The following PCDH15 variants were observed in gnomAD, a reference collection of about 807,000 sequenced individuals.
The protein encoded by PCDH15 is protocadherin related 15, also known as protocadherin-15.
A neutral mutation model predicts 178.5 loss-of-function variants in PCDH15; 129 were observed. That is an observed-to-expected ratio of 0.72 (90% CI 0.63 to 0.84). PCDH15 has a LOEUF of 0.84. Ranked by LOEUF, PCDH15 falls within the 40% of genes least tolerant of loss-of-function variation. The pLI is 0.00. For missense variants in PCDH15, 2,230 were observed against 2,099.9 expected (o/e 1.06, Z -1.21); for synonymous variants, 800 against 732.0 (o/e 1.09, Z -1.50).
At chr10:54,257,711 T>C (rs1029177971) in intron 8 of PCDH15, among the ~76,000 whole-genome samples, 1 of 152,126 alleles carries the variant, frequency 6.6e-6, no homozygotes, top group African/African-American at 2.4e-5. Flanking sequence ...GGTGTATGCA[T>C]ACACTTTCAG....
intron 2 of PCDH15, among the ~76,000 whole-genome samples, chr10:54,934,831 A>C (rs1349123299): frequency 1.3e-5 from 2 of 151,960 alleles, no homozygotes; most frequent in South Asian, 2.1e-4. Flanking sequence ...AACCAACCCA[A>C]ATGTCCAACA....
chr10:54,296,050 C>T (rs1418715855), intron 8 of PCDH15, among the ~76,000 whole-genome samples: 2 of 143,124 alleles, frequency 1.4e-5, no homozygotes, highest in East Asian at 2.1e-4. Context: ...GAGGCTGAGG[C>T]AGGAGAATGG....
Position 54,189,378 on chromosome 10 carries a change from G to A in PCDH15, c.1306-4110C>T, listed in dbSNP as rs749675729. 5 of 1,563,688 alleles carry A rather than the reference G, an allele frequency of 3.2e-6. No homozygotes were observed. In the East Asian group the frequency reaches 1.2e-4, roughly 36 times the overall value. Reference sequence around the variant, plus strand: ...CTAGTACCTACAGGAACTCCACTGGGTGGAACCTATACGCAAATTAAACAT... The same window carrying A: ...CTAGTACCTACAGGAACTCCACTGGATGGAACCTATACGCAAATTAAACAT... On this transcript the variant is annotated intron_variant, in intron 11 of 37. Transcript: ENST00000644397.
chr10:54,463,201 G>A (rs1483702188), intron 3 of PCDH15, among the ~76,000 whole-genome samples: 1 of 152,102 alleles, frequency 6.6e-6, no homozygotes, highest in Non-Finnish European at 1.5e-5. Flanking sequence ...TATTGATATA[G>A]GATGTTGCTT....
intron 2 of PCDH15, among the ~76,000 whole-genome samples, chr10:54,969,801 C>T (rs536465745): frequency 6.6e-6 from 1 of 152,262 alleles, no homozygotes; most frequent in South Asian, 2.1e-4. Flanking sequence ...GTTCTGATAA[C>T]CAATATATGA....
chr10:55,360,420 T>C (rs2131977849), intron 2 of PCDH15, among the ~76,000 whole-genome samples: 1 of 151,864 alleles, frequency 6.6e-6, no homozygotes, highest in East Asian at 1.9e-4. Flanking sequence ...CTTAACATAA[T>C]TAAGAGACCA....
intron 2 of PCDH15, among the ~76,000 whole-genome samples, chr10:54,908,277 G>A (rs537090059): frequency 4.6e-5 from 7 of 152,282 alleles, no homozygotes; most frequent in Admixed American, 3.3e-4. Flanking sequence ...CACTGGCTGC[G>A]GCATGGCAGG....
At chr10:54,108,968 A>C (rs1003340007) in intron 15 of PCDH15, among the ~76,000 whole-genome samples, 1 of 152,060 alleles carries the variant, frequency 6.6e-6, no homozygotes, top group Non-Finnish European at 1.5e-5. Flanking sequence ...CAAACAAACA[A>C]ACAAATAAAC....
intron 13 of PCDH15, among the ~76,000 whole-genome samples, chr10:54,168,706 G>A (rs370321774): frequency 2.0e-5 from 3 of 151,968 alleles, no homozygotes; most frequent in Admixed American, 1.3e-4. Context: ...AGTTCATGAC[G>A]TGTTTGGCAG....
chr10:55,509,612 A>G (rs1300651926), intron 2 of PCDH15, among the ~76,000 whole-genome samples: 1 of 151,906 alleles, frequency 6.6e-6, no homozygotes, highest in Non-Finnish European at 1.5e-5. Context: ...ATTGAGAACA[A>G]TTTACACAAA....
chr10:55,612,939 T>C (rs536660755), intron 2 of PCDH15, among the ~76,000 whole-genome samples: 3 of 152,096 alleles, frequency 2.0e-5, no homozygotes, highest in Non-Finnish European at 2.9e-5. Flanking sequence ...TATGGTATGA[T>C]ATTCTCAATC....
chr10:54,058,434 G>A (rs530876506), intron 18 of PCDH15, among the ~76,000 whole-genome samples: 3 of 151,952 alleles, frequency 2.0e-5, no homozygotes, highest in Non-Finnish European at 4.4e-5. Context: ...GTATGCAGGG[G>A]AACTCCCATT....
chr10:54,843,648 G>C (rs533125312), intron 3 of PCDH15, among the ~76,000 whole-genome samples: 1 of 151,944 alleles, frequency 6.6e-6, no homozygotes, highest in Non-Finnish European at 1.5e-5. Context: ...TTATAACATA[G>C]AGTGAATTTC....
chr10:54,123,751 C>A (rs1320894510), intron 15 of PCDH15, among the ~76,000 whole-genome samples: 1 of 152,056 alleles, frequency 6.6e-6, no homozygotes, highest in Non-Finnish European at 1.5e-5. Context: ...ATGGAATCAA[C>A]CTAGGTGCCC....
intron 21 of PCDH15, among the ~76,000 whole-genome samples, chr10:53,967,057 T>C (rs1044785770): frequency 6.6e-6 from 1 of 152,128 alleles, no homozygotes; most frequent in Non-Finnish European, 1.5e-5. Flanking sequence ...CCAAATTTCA[T>C]CTTGAATTGC....
chr10:55,319,911 C>T (rs1057283513), upstream of PCDH15, among the ~76,000 whole-genome samples: 4 of 152,118 alleles, frequency 2.6e-5, no homozygotes, highest in Admixed American at 2.0e-4. Context: ...AGACTTTAGC[C>T]TTAGGGGTAC....
At chr10:54,446,267 T>C (rs2076136655) in intron 3 of PCDH15, among the ~76,000 whole-genome samples, 1 of 151,714 alleles carries the variant, frequency 6.6e-6, no homozygotes, top group South Asian at 2.1e-4. Flanking sequence ...CTATTTGCTA[T>C]ATGTTAATAT....
chr10:55,280,300 C>T lies in PCDH15; in HGVS notation c.-156+39299G>A, dbSNP rs867821569. 7.9e-4 allele frequency among the ~76,000 whole-genome samples: 72 copies of T among 91,166 alleles called. 1 individual carries two copies. The highest frequency in any genetic ancestry group is 3.2e-3 in the African/African-American group (69 of 21,276). 59.8% of individuals were successfully genotyped at this position (91,166 alleles called of 152,430 possible). A position where few individuals can be genotyped will look rare whatever the true frequency, so the allele number is the denominator to read the frequency against. On this transcript the variant is annotated intron_variant, in intron 1 of 5. Coordinates refer to the PCDH15 transcript ENST00000458638. ...TTTTTTTTTTTTTTTTTTTTTGAGA[C>T]GGTGTTTTGCTCTGTGACCCAGGCT...
chr10:53,838,060 C>T (rs561906498), intron 29 of PCDH15, among the ~76,000 whole-genome samples: 6 of 151,896 alleles, frequency 4.0e-5, no homozygotes, highest in Non-Finnish European at 7.4e-5. Context: ...ACTGCATGCT[C>T]GGCCTCCTGG....
Sources: gnomAD v4.1 joint callset for allele counts (sites outside exome capture counted in the v4.1 genomes callset) on GRCh38, gnomAD v4.1.1 for gene constraint, MANE v1.5 for transcripts, NCBI Gene and HGNC (gene_info 2026-07-23, HGNC 2026-07-21) for gene names.